OOSP1: variants seen among roughly 807,000 people sequenced by gnomAD.
OOSP1 encodes putative oocyte-secreted protein 1 homolog.
A neutral mutation model predicts 5.7 loss-of-function variants in OOSP1; 11 were observed. The ratio of observed to expected loss-of-function variants is 1.94; its 90% CI spans 1.22 to 3.20. The LOEUF is 3.20. Among genes scored for constraint, OOSP1 ranks in the 30% most tolerant of loss-of-function variants. The probability of loss-of-function intolerance (pLI) is 0.00; values close to 1 mark genes in which losing one functional copy is unlikely to be tolerated. For synonymous variants in OOSP1, 44 were observed against 20.0 expected (o/e 2.20, Z -3.20); for missense variants, 83 against 54.1 (o/e 1.53, Z -1.67).
intron 2 of OOSP1, among the ~76,000 whole-genome samples, chr11:59,944,920 A>G (rs1373598717): frequency 6.6e-6 from 1 of 152,204 alleles, no homozygotes; most frequent in East Asian, 1.9e-4. Flanking sequence ...TGTGAATCAC[A>G]AAGCTCCTTT....
chr11:59,955,289 T>A (rs1853983489), intron 4 of OOSP1, among the ~76,000 whole-genome samples: 1 of 152,148 alleles, frequency 6.6e-6, no homozygotes, highest in Admixed American at 6.6e-5. Context: ...TGGATATTAT[T>A]TATATTGACT....
intron 4 of OOSP1, among the ~76,000 whole-genome samples, chr11:59,951,623 G>A (rs1022585948): frequency 3.3e-5 from 5 of 151,758 alleles, no homozygotes; most frequent in Non-Finnish European, 5.9e-5. Context: ...GGAGAACCAA[G>A]CAGTATAAAT....
intron 2 of OOSP1, 41 bp downstream of exon 2, chr11:59,943,069 T>C (rs1322903466): frequency 1.0e-5 from 7 of 695,946 alleles, no homozygotes; most frequent in Non-Finnish European, 1.8e-5. Flanking sequence ...AGTGTCCAGG[T>C]GTGTGATGTT....
At chr11:59,956,914 A>ATT (rs1262627079) in intron 4 of OOSP1, among the ~76,000 whole-genome samples, 18 of 151,180 alleles carry the variant, frequency 1.2e-4, no homozygotes, top group Non-Finnish European at 1.6e-4. Flanking sequence ...GTAGTATTCC[A>ATT]TTATATATAT....
intron 4 of OOSP1, 27 bp from the exon 5 acceptor site, chr11:59,957,168 T>TA: frequency 2.5e-6 from 1 of 397,598 alleles, no homozygotes. Flanking sequence ...TTGATGAATC[T>TA]ACTTAAAATT....
chr11:59,955,808 T>C (rs78000400), intron 4 of OOSP1, among the ~76,000 whole-genome samples: 135 of 152,216 alleles, frequency 8.9e-4, no homozygotes, highest in African/African-American at 3.0e-3. Context: ...AATCTTTGTA[T>C]TTTTTGTAGA....
intron 4 of OOSP1, among the ~76,000 whole-genome samples, chr11:59,952,790 C>T (rs1451837797): frequency 6.6e-6 from 1 of 152,070 alleles, no homozygotes; most frequent in African/African-American, 2.4e-5. Flanking sequence ...GCTATTGAAA[C>T]CAAAAAATTC....
At chr11:59,946,554 G>C (rs1485021894) in intron 3 of OOSP1, among the ~76,000 whole-genome samples, 7 of 152,098 alleles carry the variant, frequency 4.6e-5, no homozygotes, top group Non-Finnish European at 1.0e-4. Context: ...AGGAATACTA[G>C]GAATATTATT....
intron 4 of OOSP1, 145 bp downstream of exon 4, chr11:59,948,007 A>T: frequency 2.5e-6 from 1 of 394,392 alleles, no homozygotes; most frequent in Non-Finnish European, 4.5e-6. Context: ...ATGCAAATTC[A>T]TGATTTCCTA....
intron 3 of OOSP1, among the ~76,000 whole-genome samples, chr11:59,945,695 G>A (rs1853875304): frequency 7.4e-6 from 1 of 135,834 alleles, no homozygotes; most frequent in South Asian, 2.4e-4. Flanking sequence ...AGCTTGCAGT[G>A]AGCTGAAATC....
intron 4 of OOSP1, among the ~76,000 whole-genome samples, chr11:59,955,921 T>C (rs1284412481): frequency 6.6e-6 from 1 of 152,206 alleles, no homozygotes; most frequent in African/African-American, 2.4e-5. Flanking sequence ...CATGGGCCAC[T>C]GTGCCTGGCC....
chr11:59,944,113 C>A (rs1853858191), intron 2 of OOSP1, among the ~76,000 whole-genome samples: 1 of 152,168 alleles, frequency 6.6e-6, no homozygotes, highest in South Asian at 2.1e-4. Flanking sequence ...CACAGGGCTT[C>A]ACATTCCTGC....
At chr11:59,940,447 T>G (rs546698604) in intron 1 of OOSP1, among the ~76,000 whole-genome samples, 190 of 152,362 alleles carry the variant, frequency 1.2e-3, no homozygotes, top group African/African-American at 4.4e-3. Context: ...TTACGTCAAA[T>G]TTGTGGATCT....
At chr11:59,953,917 C>T (rs891889115) in intron 4 of OOSP1, among the ~76,000 whole-genome samples, 5 of 152,118 alleles carry the variant, frequency 3.3e-5, no homozygotes, top group South Asian at 2.1e-4. Context: ...GCTTACTAAT[C>T]GGAATATGTT....
At chr11:59,956,427 A>G (rs1853994442) in intron 4 of OOSP1, among the ~76,000 whole-genome samples, 1 of 151,894 alleles carries the variant, frequency 6.6e-6, no homozygotes, top group African/African-American at 2.4e-5. Flanking sequence ...CAGGAGCCCT[A>G]TTTTGTTGTA....
intron 4 of OOSP1, among the ~76,000 whole-genome samples, chr11:59,956,562 CT>C (rs1181785291): frequency 1.3e-5 from 2 of 151,968 alleles, no homozygotes; most frequent in African/African-American, 4.8e-5. Flanking sequence ...CTTTCTCTGA[CT>C]TTTTTTTCCA....
At chr11:59,943,897 C>T (rs747627112) in intron 2 of OOSP1, among the ~76,000 whole-genome samples, 1 of 151,996 alleles carries the variant, frequency 6.6e-6, no homozygotes, top group Non-Finnish European at 1.5e-5. Context: ...TTCATTATCC[C>T]AAATAAAACG....
chr11:59,938,606 T>G (rs1853794847), intron 1 of OOSP1, 76 bp downstream of exon 1: 1 of 425,772 alleles, frequency 2.3e-6, no homozygotes, highest in East Asian at 3.5e-5. Flanking sequence ...TTTACAGTTG[T>G]GGTCTGGTTG....
intron 4 of OOSP1, chr11:59,949,064 G>A (rs1332847277): frequency 3.4e-6 from 1 of 297,272 alleles, no homozygotes; most frequent in Non-Finnish European, 6.1e-6. Flanking sequence ...TGACTTGTAT[G>A]TAATTTTAAG....
Sources: gnomAD v4.1 joint callset for allele counts (sites outside exome capture counted in the v4.1 genomes callset) on GRCh38, gnomAD v4.1.1 for gene constraint, MANE v1.5 for transcripts, NCBI Gene and HGNC (gene_info 2026-07-23, HGNC 2026-07-21) for gene names.